RSC1A1: variants seen among roughly 807,000 people sequenced by gnomAD.
RSC1A1 encodes the protein regulator of solute carriers 1.
RSC1A1 carries 6 observed loss-of-function variants against 7.7 expected under a neutral mutation model. That is an observed-to-expected ratio of 0.78 (90% CI 0.43 to 1.53). The LOEUF (loss-of-function observed/expected upper bound fraction) is 1.53, where lower values mean the gene tolerates loss of function less well. RSC1A1 is among the 40% of genes most tolerant of loss of function. The pLI is 0.01. For synonymous variants in RSC1A1, 250 were observed against 263.0 expected (o/e 0.95, Z 0.48); for missense variants, 729 against 726.3 (o/e 1.00, Z -0.04).
rs1335948787 is a variant in RSC1A1, at chr1:15,659,767, T to G, written c.-102T>G. The G allele has an allele frequency of 6.9e-7, 1 of 1,441,538 alleles. No homozygotes were observed. The highest frequency in any genetic ancestry group is 2.3e-5 in the East Asian group (1 of 42,834). The allele number at this position is 1,441,538 out of a possible 1,614,324, so 89.3% of individuals were successfully genotyped here. A position where few individuals can be genotyped will look rare whatever the true frequency, so the allele number is the denominator to read the frequency against. Reference sequence around the variant, plus strand: ...TTATTCTACGCTGTTTAGATTTGTATCCTCTGGTAATTTAGTGGCATTAGT... The same window carrying G: ...TTATTCTACGCTGTTTAGATTTGTAGCCTCTGGTAATTTAGTGGCATTAGT... On this transcript the variant is annotated 5_prime_UTR_variant, in exon 1 of 1. Transcript: ENST00000345034.
rs1346135096 is a variant in RSC1A1, at chr1:15,660,914, G to C, written c.1046G>C (p.Cys349Ser). The C allele has an allele frequency of 3.7e-6, 6 of 1,613,682 alleles. No homozygotes were observed. The highest frequency in any genetic ancestry group is 5.1e-6 in the Non-Finnish European group (6 of 1,179,948). Residue 349 changes from cysteine (C) to serine (S), a missense_variant, in exon 1 of 1, where the codon TGC becomes TCC. Physicochemically the swap from Cys to Ser is moderately radical, Grantham distance 112. Transcript: ENST00000345034. ...TCTGTGGAGTCAGCAGAAGAATCTT[G>C]CCCGTCTATAACGGCAGCCTTGAAA... Reference protein sequence around the residue: ...QPSVESAEESCPSITAALKEL... With the variant: ...QPSVESAEESSPSITAALKEL...
In RSC1A1 at chr1:15,661,428, G is replaced by T. The variant is rs1557626442; in HGVS notation, c.1560G>T (p.Leu520Phe). ...QTKSLSSNFI[L>F]VKDLGQGIQN... ...AGTCTTTGTCATCCAATTTCATATTGGTTAAAGACTTAGGTCAGGGCATAC... is the reference window on the plus strand; with the variant it reads ...AGTCTTTGTCATCCAATTTCATATTTGTTAAAGACTTAGGTCAGGGCATAC... Residue 520 changes from leucine to phenylalanine, a missense_variant, in exon 1 of 1, where the codon TTG (leucine) becomes TTT (phenylalanine). Coordinates refer to ENST00000345034, the MANE Select transcript of RSC1A1 (RefSeq NM_006511.3). 2 of 1,613,942 alleles carry T rather than the reference G, an allele frequency of 1.2e-6. No homozygotes were observed. The highest frequency in any genetic ancestry group is 3.3e-5 in the Admixed American group (2 of 59,992).
At position 15,661,711 on chromosome 1, in the gene RSC1A1, G is replaced by C. The variant is rs759542217; in HGVS notation, c.1843G>C (p.Val615Leu). 1 of 1,609,346 alleles carries C rather than the reference G, an allele frequency of 6.2e-7. No homozygotes were observed. The highest frequency in any genetic ancestry group is 8.5e-7 in the Non-Finnish European group (1 of 1,176,988). Reference sequence around the variant, plus strand: ...TGTTTTGCTCGCAAAAAACATCGTAGTTCCTACATGACTGTGGGAAAGTGG... The same window carrying C: ...TGTTTTGCTCGCAAAAAACATCGTACTTCCTACATGACTGTGGGAAAGTGG... ...LLVLLAKNIVVPT is the reference protein window; with the variant it reads ...LLVLLAKNIVLPT Residue 615 changes from valine to leucine, a missense_variant, in exon 1 of 1, where the codon GTT (valine) becomes CTT (leucine). Transcript: ENST00000345034.
Position 15,660,778 on chromosome 1 carries a change from T to G in RSC1A1, c.910T>G (p.Ser304Ala). 6.2e-7 allele frequency: 1 copy of G among 1,613,962 alleles called. No individual in the cohort carries two copies. The highest frequency in any genetic ancestry group is 2.2e-5 in the East Asian group (1 of 44,888). ...CNPSSEILND[S>A]ISTQDLQPPE... Reference sequence around the variant, plus strand: ...CCCTTCATCTGAAATTTTGAATGATTCCATTTCCACTCAGGATTTACAGCC... The same window carrying G: ...CCCTTCATCTGAAATTTTGAATGATGCCATTTCCACTCAGGATTTACAGCC... The change falls in exon 1 of 1, where the codon TCC (serine) becomes GCC (alanine). Residue 304 changes from serine to alanine, a missense_variant. By Grantham distance (99) the Ser-to-Ala change is moderately conservative. Transcript: ENST00000345034.
the RSC1A1 span, chr1:15,661,141 G>T: frequency 6.2e-7 from 1 of 1,613,996 alleles, no homozygotes; most frequent in Non-Finnish European, 8.5e-7. Flanking sequence ...TGTATCAGTG[G>T]AGACAGAAAA....
chr1:15,661,621 T>C lies in RSC1A1; in HGVS notation c.1753T>C (p.Phe585Leu). 6.2e-7 allele frequency: 1 copy of C among 1,614,112 alleles called. No individual in the cohort carries two copies. Among genetic ancestry groups the C allele is most frequent in the Non-Finnish European group, 8.5e-7 (1 of 1,180,028 alleles). The change falls in exon 1 of 1, where the codon TTT (phenylalanine) becomes CTT (leucine). Residue 585 changes from phenylalanine to leucine, a missense_variant. Physicochemically the swap from Phe to Leu is conservative, Grantham distance 22. Transcript: ENST00000345034. ...TATTGACCGCATTCTCCGTGCTGGC[T>C]TTACTTTGCAGGAAGCTCTTGGAGC... Reference protein sequence around the residue: ...TDIDRILRAGFTLQEALGALH... With the variant: ...TDIDRILRAGLTLQEALGALH...
chr1:15,659,786 C>CT lies in RSC1A1; in HGVS notation c.-83_-82insT. Reference sequence around the variant, plus strand: ...TTTGTATCCTCTGGTAATTTAGTGGCATTAGTCACCTGCTAATTAATCTTT... The same window carrying CT: ...TTTGTATCCTCTGGTAATTTAGTGGCTATTAGTCACCTGCTAATTAATCTTT... On this transcript the variant is annotated 5_prime_UTR_variant, in exon 1 of 1. Transcript: ENST00000345034. 6.8e-7 allele frequency: 1 copy of CT among 1,469,650 alleles called. No homozygotes were observed. 91.0% of individuals were successfully genotyped at this position (1,469,650 alleles called of 1,614,324 possible).
Position 15,659,877 on chromosome 1 carries a change from A to G in RSC1A1, c.9A>G (p.Ser3=). ...AATCTACCTCACTGGGAATGTCATC[A>G]TTACCAACTTCAGATGGGTTTAACC... MS[S]LPTSDGFNHP... Residue 3 remains serine, a synonymous_variant, in exon 1 of 1, where the codon TCA becomes TCG. Coordinates refer to ENST00000345034, the MANE Select transcript of RSC1A1 (RefSeq NM_006511.3). 1 of 1,574,826 alleles carries G rather than the reference A, an allele frequency of 6.3e-7. No individual in the cohort carries two copies. The highest frequency in any genetic ancestry group is 1.4e-5 in the African/African-American group (1 of 73,490).
At position 15,661,423 on chromosome 1, in the gene RSC1A1, A is replaced by C. The variant is rs771420818; in HGVS notation, c.1555A>C (p.Ile519Leu). The C allele has an allele frequency of 1.1e-5, 18 of 1,614,086 alleles. No homozygotes were observed. The highest frequency in any genetic ancestry group is 3.3e-5 in the Admixed American group (2 of 60,004). ...EQTKSLSSNFILVKDLGQGIQ... is the reference protein window; with the variant it reads ...EQTKSLSSNFLLVKDLGQGIQ... ...AACTAAGTCTTTGTCATCCAATTTC[A>C]TATTGGTTAAAGACTTAGGTCAGGG... Residue 519 changes from isoleucine to leucine, a missense_variant, in exon 1 of 1, where the codon ATA (isoleucine) becomes CTA (leucine). Physicochemically the swap from Ile to Leu is conservative, Grantham distance 5. Transcript: ENST00000345034.
At position 15,661,276 on chromosome 1, in the gene RSC1A1, A is replaced by G. The variant is rs1193546602; in HGVS notation, c.1408A>G (p.Asn470Asp). Reference protein sequence around the residue: ...VPKSRESINKNRSVTVTSAKT... With the variant: ...VPKSRESINKDRSVTVTSAKT... ...CAAATCTAGGGAATCCATAAATAAG[A>G]ACCGTTCTGTCACTGTAACCTCAGC... is the stretch of plus-strand genomic sequence containing the variant. The change falls in exon 1 of 1, where the codon AAC becomes GAC. Residue 470 changes from asparagine to aspartate, a missense_variant. Asn to Asp is a conservative substitution (Grantham distance 23). Transcript: ENST00000345034. 6.2e-7 allele frequency: 1 copy of G among 1,614,144 alleles called. No homozygotes were observed. Among genetic ancestry groups the G allele is most frequent in the Non-Finnish European group, 8.5e-7 (1 of 1,180,022 alleles).
At position 15,661,710 on chromosome 1, in the gene RSC1A1, A is replaced by G. The variant is rs199740469; in HGVS notation, c.1842A>G (p.Val614=). Residue 614 remains valine, a synonymous_variant, in exon 1 of 1, where the codon GTA becomes GTG. Transcript: ENST00000345034. Reference sequence around the variant, plus strand: ...TTGTTTTGCTCGCAAAAAACATCGTAGTTCCTACATGACTGTGGGAAAGTG... The same window carrying G: ...TTGTTTTGCTCGCAAAAAACATCGTGGTTCCTACATGACTGTGGGAAAGTG... ...ALLVLLAKNI[V]VPT The G allele has an allele frequency of 3.8e-4, 612 of 1,610,222 alleles. No individual in the cohort carries two copies. Among genetic ancestry groups the G allele is most frequent in the Admixed American group, 5.3e-4 (32 of 59,816 alleles).
rs756853993 is a variant in RSC1A1 at position 15,660,610 on chromosome 1, T to C, written c.742T>C (p.Phe248Leu). 39 of 1,613,980 alleles carry C rather than the reference T, an allele frequency of 2.4e-5. No individual in the cohort carries two copies. The East Asian group carries it at 8.7e-4, about 36-fold the overall frequency. Residue 248 changes from phenylalanine to leucine, a missense_variant, in exon 1 of 1, where the codon TTT becomes CTT. Transcript: ENST00000345034. ...ECSGCSNSET[F>L]MEIDTAQQSL... The stretch of plus-strand genomic sequence containing the variant: ...CAGTGGCTGCTCAAATTCAGAAACA[T>C]TTATGGAAATCGATACAGCTCAACA...
chr1:15,661,680 A>C lies in RSC1A1; in HGVS notation c.1812A>C (p.Ala604=). Residue 604 remains alanine, a synonymous_variant, in exon 1 of 1, where the codon GCA becomes GCC. Transcript: ENST00000345034. ...LHRVGGNADL[A]LLVLLAKNIV... ...GAGTTGGTGGGAATGCAGACCTTGC[A>C]CTTCTTGTTTTGCTCGCAAAAAACA... 6.2e-7 allele frequency: 1 copy of C among 1,613,532 alleles called. No homozygotes were observed. Among genetic ancestry groups the C allele is most frequent in the Non-Finnish European group, 8.5e-7 (1 of 1,179,596 alleles).
chr1:15,659,886 T>C lies in RSC1A1; in HGVS notation c.18T>C (p.Thr6=). 6.3e-7 allele frequency: 1 copy of C among 1,587,426 alleles called. No homozygotes were observed. The highest frequency in any genetic ancestry group is 8.5e-7 in the Non-Finnish European group (1 of 1,170,012). MSSLP[T]SDGFNHPARS... ...CACTGGGAATGTCATCATTACCAAC[T>C]TCAGATGGGTTTAACCATCCCGCCC... The change falls in exon 1 of 1, where the codon ACT becomes ACC. Residue 6 remains threonine (T), a synonymous_variant. Transcript: ENST00000345034.
At position 15,660,997 on chromosome 1, in the gene RSC1A1, G is replaced by A. The variant is rs754021065; in HGVS notation, c.1129G>A (p.Glu377Lys). 6.2e-7 allele frequency: 1 copy of A among 1,614,014 alleles called. No homozygotes were observed. The change falls in exon 1 of 1, where the codon GAA becomes AAA. Residue 377 changes from glutamate (E) to lysine (K), a missense_variant. Coordinates refer to ENST00000345034, the MANE Select transcript of RSC1A1 (RefSeq NM_006511.3). Reference protein sequence around the residue: ...SKPASENTSEEVICQSETIAE... With the variant: ...SKPASENTSEKVICQSETIAE... ...ACCAGCTTCAGAAAATACATCTGAA[G>A]AAGTAATCTGTCAATCAGAAACCAT...
rs1185677945 is a variant in RSC1A1, at chr1:15,661,575, A to G, written c.1707A>G (p.Pro569=). The stretch of plus-strand genomic sequence containing the variant: ...CATCAAGTCCTGCCATTCTTCCACC[A>G]TTGATTTTTCCTGCCACAGATATTG... ...HPSSSPAILP[P]LIFPATDIDR... is the part of the protein sequence containing the mutation. The change falls in exon 1 of 1, where the codon CCA becomes CCG. Residue 569 remains proline (P), a synonymous_variant. Coordinates refer to ENST00000345034, the MANE Select transcript of RSC1A1 (RefSeq NM_006511.3). 6.2e-7 allele frequency: 1 copy of G among 1,614,146 alleles called. No homozygotes were observed. The highest frequency in any genetic ancestry group is 2.2e-5 in the East Asian group (1 of 44,882).
rs768478542 is a variant in RSC1A1, at chr1:15,661,282, T to A, written c.1414T>A (p.Ser472Thr). The A allele has an allele frequency of 6.2e-7, 1 of 1,614,052 alleles. No homozygotes were observed. The highest frequency in any genetic ancestry group is 1.3e-5 in the African/African-American group (1 of 74,934). ...KSRESINKNR[S>T]VTVTSAKTSN... is the part of the protein sequence containing the mutation. ...TAGGGAATCCATAAATAAGAACCGT[T>A]CTGTCACTGTAACCTCAGCTAAAAC... is the stretch of plus-strand genomic sequence containing the variant. Residue 472 changes from serine (S) to threonine (T), a missense_variant, in exon 1 of 1, where the codon TCT becomes ACT. Physicochemically the swap from Ser to Thr is moderately conservative, Grantham distance 58. Transcript: ENST00000345034.
chr1:15,661,604 G>A lies in RSC1A1; in HGVS notation c.1736G>A (p.Arg579His), dbSNP rs1046502353. The A allele has an allele frequency of 3.1e-6, 5 of 1,614,100 alleles. No homozygotes were observed. Among genetic ancestry groups the A allele is most frequent in the Middle Eastern group, 1.6e-4 (1 of 6,062 alleles). ...ATTTTTCCTGCCACAGATATTGACC[G>A]CATTCTCCGTGCTGGCTTTACTTTG... ...PLIFPATDID[R>H]ILRAGFTLQE... The change falls in exon 1 of 1, where the codon CGC (arginine) becomes CAC (histidine). Residue 579 changes from arginine (R) to histidine (H), a missense_variant. Coordinates refer to ENST00000345034, the MANE Select transcript of RSC1A1 (RefSeq NM_006511.3).
At position 15,660,912 on chromosome 1, in the gene RSC1A1, T is replaced by C. The variant is rs1269488006; in HGVS notation, c.1044T>C (p.Ser348=). ...CTTCTGTGGAGTCAGCAGAAGAATC[T>C]TGCCCGTCTATAACGGCAGCCTTGA... ...CQPSVESAEE[S]CPSITAALKE... is the part of the protein sequence containing the mutation. The change falls in exon 1 of 1, where the codon TCT becomes TCC. Residue 348 remains serine (S), a synonymous_variant. Transcript: ENST00000345034. 1 of 1,613,830 alleles carries C rather than the reference T, an allele frequency of 6.2e-7. No individual in the cohort carries two copies. Among genetic ancestry groups the C allele is most frequent in the Non-Finnish European group, 8.5e-7 (1 of 1,179,992 alleles).
Sources: allele counts gnomAD v4.1 joint callset, GRCh38; gene constraint gnomAD v4.1.1; transcripts MANE v1.5; gene names NCBI Gene and HGNC (gene_info 2026-07-23, HGNC 2026-07-21).